RNF10: variants seen among roughly 807,000 people sequenced by gnomAD.
RNF10 encodes ring finger protein 10, also known as E3 ubiquitin-protein ligase RNF10.
Under a neutral mutation model 91.4 loss-of-function variants are expected in RNF10, and 38 were observed. The observed-to-expected ratio is 0.42, with a 90% CI of 0.32 to 0.54. The LOEUF (loss-of-function observed/expected upper bound fraction) is 0.54. RNF10 is among the 20% of genes least tolerant of loss of function. The pLI is 0.16. For synonymous variants in RNF10, 364 were observed against 366.3 expected, an observed-to-expected ratio of 0.99 and a Z score of 0.07; for missense variants, 945 against 1,012.0, an observed-to-expected ratio of 0.93 and a Z score of 0.90.
At chr12:120,558,807 G>C (rs538631496) in intron 6 of RNF10, among the ~76,000 whole-genome samples, 1 of 151,512 alleles carries the variant, frequency 6.6e-6, no homozygotes, top group East Asian at 1.9e-4. Flanking sequence ...CCGAGCTCAA[G>C]TGATCTGCCC....
chr12:120,539,687 G>C (rs1871288109), intron 1 of RNF10, among the ~76,000 whole-genome samples: 1 of 152,134 alleles, frequency 6.6e-6, no homozygotes, highest in Non-Finnish European at 1.5e-5. Flanking sequence ...GGGAAATGTG[G>C]AACAACTGAG....
chr12:120,536,640 T>G (rs1870852025), intron 1 of RNF10, among the ~76,000 whole-genome samples: 1 of 152,202 alleles, frequency 6.6e-6, no homozygotes, highest in African/African-American at 2.4e-5. Context: ...TTGCCATAGA[T>G]CCCTCAAAAG....
At chr12:120,563,173 C>A (rs1875156990) in intron 8 of RNF10, 103 bp downstream of exon 8, 1 of 1,541,698 alleles carries the variant, frequency 6.5e-7, no homozygotes. Flanking sequence ...GAAGAGGGGA[C>A]AATGAGTATT....
At position 120,576,649 on chromosome 12, in the gene RNF10, G is replaced by C. The variant is rs1308493666; in HGVS notation, c.2419G>C (p.Val807Leu). The C allele has an allele frequency of 2.5e-6, 4 of 1,613,962 alleles. No individual in the cohort carries two copies. The highest frequency in any genetic ancestry group is 3.4e-6 in the Non-Finnish European group (4 of 1,179,942). ...ACAGAAGCTCCTGTTCAGCACCTCA[G>C]TCGTCCACACCAAGTGACACTACTG... Reference protein sequence around the residue: ...QKQKLLFSTSVVHTK With the variant: ...QKQKLLFSTSLVHTK Residue 807 changes from valine (V) to leucine (L), a missense_variant, in exon 17 of 17, where the codon GTC becomes CTC. Val to Leu is a conservative substitution (Grantham distance 32). Transcript: ENST00000325954.
chr12:120,569,538 CT>C (rs58304342), intron 13 of RNF10, among the ~76,000 whole-genome samples: 25 of 115,170 alleles, frequency 2.2e-4, no homozygotes, highest in Non-Finnish European at 2.1e-4. Context: ...TGATATGCAT[CT>C]TTTTTTTTTT....
At chr12:120,535,014 G>T in intron 1 of RNF10, 46 bp downstream of exon 1, 2 of 1,529,408 alleles carry the variant, frequency 1.3e-6, no homozygotes, top group Non-Finnish European at 1.7e-6. Flanking sequence ...TGCCCCTGCT[G>T]CTGGGGAGAG....
chr12:120,547,035 A>G (rs1204368882), intron 2 of RNF10, among the ~76,000 whole-genome samples: 3 of 152,192 alleles, frequency 2.0e-5, no homozygotes, highest in African/African-American at 4.8e-5. Context: ...ATTTATGTAC[A>G]AGGGTATTCA....
chr12:120,543,286 A>G (rs188058790), intron 1 of RNF10, among the ~76,000 whole-genome samples: 1 of 152,272 alleles, frequency 6.6e-6, no homozygotes. Flanking sequence ...GCCTGAGCAT[A>G]GGAATTCCGT....
chr12:120,560,755 C>T lies in RNF10; in HGVS notation c.997C>T (p.Leu333=). The change falls in exon 7 of 17, where the codon CTG becomes TTG. Residue 333 remains leucine, a synonymous_variant. Coordinates refer to ENST00000325954, the MANE Select transcript of RNF10 (RefSeq NM_014868.5). The stretch of plus-strand genomic sequence containing the variant: ...ACAGCACAGCCAGTACTCCAAGTTG[C>T]TGCTGGCCTCTAAGGAGCAGGTGCT... ...DEQHSQYSKL[L]LASKEQVLHR... The T allele has an allele frequency of 6.2e-7, 1 of 1,614,058 alleles. No individual in the cohort carries two copies. The highest frequency in any genetic ancestry group is 8.5e-7 in the Non-Finnish European group (1 of 1,179,946).
At chr12:120,563,171 G>C (rs943956175) in intron 8 of RNF10, 101 bp downstream of exon 8, 3 of 1,548,958 alleles carry the variant, frequency 1.9e-6, no homozygotes, top group Non-Finnish European at 2.7e-6. Flanking sequence ...GAGAAGAGGG[G>C]ACAATGAGTA....
At chr12:120,567,959 T>A (rs1259541264) in intron 13 of RNF10, among the ~76,000 whole-genome samples, 3 of 146,144 alleles carry the variant, frequency 2.1e-5, no homozygotes, top group Non-Finnish European at 4.5e-5. Flanking sequence ...ATATTAAATG[T>A]ATAGAAAAGA....
chr12:120,550,974 G>A (rs1224201176), intron 2 of RNF10, among the ~76,000 whole-genome samples: 2 of 151,682 alleles, frequency 1.3e-5, no homozygotes, highest in South Asian at 2.1e-4. Context: ...ACCACCAGTT[G>A]TATTTAATTA....
intron 12 of RNF10, 126 bp from the exon 13 acceptor site, chr12:120,566,699 A>G (rs1269999673): frequency 1.2e-6 from 1 of 859,752 alleles, no homozygotes; most frequent in Non-Finnish European, 1.8e-6. Flanking sequence ...GAGGCAGAGG[A>G]TGCAGTGAAC....
At chr12:120,556,049 AAAGT>A (rs774593078) in intron 4 of RNF10, among the ~76,000 whole-genome samples, 3 of 151,668 alleles carry the variant, frequency 2.0e-5, no homozygotes, top group Non-Finnish European at 2.9e-5. Context: ...TCGGCCTCCC[AAAGT>A]GTTGGGATTA....
rs890184982 is a variant in RNF10 at position 120,560,768 on chromosome 12, A to T, written c.1010A>T (p.Lys337Met). 2 of 1,614,116 alleles carry T rather than the reference A, an allele frequency of 1.2e-6. No homozygotes were observed. The change falls in exon 7 of 17, where the codon AAG (lysine) becomes ATG (methionine). Residue 337 changes from lysine (K) to methionine (M), a missense_variant. Transcript: ENST00000325954. ...SQYSKLLLAS[K>M]EQVLHRVVLE... ...TACTCCAAGTTGCTGCTGGCCTCTA[A>T]GGAGCAGGTGCTGCACCGGGTAGTT...
chr12:120,544,669 T>C (rs990187647), intron 1 of RNF10, among the ~76,000 whole-genome samples: 2 of 152,072 alleles, frequency 1.3e-5, no homozygotes, highest in Non-Finnish European at 2.9e-5. Context: ...ATAAATAAAG[T>C]GCATAAGTAA....
chr12:120,574,121 C>G (rs1454149953), intron 14 of RNF10, among the ~76,000 whole-genome samples: 1 of 152,152 alleles, frequency 6.6e-6, no homozygotes, highest in Non-Finnish European at 1.5e-5. Context: ...ATGTCTAAAC[C>G]GTAGGAGACC....
chr12:120,562,954 G>A lies in RNF10; in HGVS notation c.1138G>A (p.Glu380Lys). ...AAIQELKTRE[E>K]ALSGLAGSRR... ...TCTCTGGCCACGTTAGACTCGGGAA[G>A]AGGCTCTGTCGGGATTGGCCGGAAG... The change falls in exon 8 of 17, where the codon GAG becomes AAG. Residue 380 changes from glutamate (E) to lysine (K), a missense_variant. Physicochemically the swap from Glu to Lys is moderately conservative, Grantham distance 56 (BLOSUM62 1). Coordinates refer to ENST00000325954, the MANE Select transcript of RNF10 (RefSeq NM_014868.5). 5 of 1,614,084 alleles carry A rather than the reference G, an allele frequency of 3.1e-6. No homozygotes were observed. Among genetic ancestry groups the A allele is most frequent in the Non-Finnish European group, 4.2e-6 (5 of 1,179,986 alleles).
Position 120,534,807 on chromosome 12 carries a change from C to A in RNF10, c.-5C>A, listed in dbSNP as rs765501811. On this transcript the variant is annotated 5_prime_UTR_variant, in exon 1 of 17. Transcript: ENST00000325954. ...CGACTGCCGTCGCCGCCGAGGCCCCCGTTGATGCCGCTGAGCTCCCCCAAC... is the reference window on the plus strand; with the variant it reads ...CGACTGCCGTCGCCGCCGAGGCCCCAGTTGATGCCGCTGAGCTCCCCCAAC... The A allele has an allele frequency of 6.4e-7, 1 of 1,568,558 alleles. No individual in the cohort carries two copies. Among genetic ancestry groups the A allele is most frequent in the Admixed American group, 1.9e-5 (1 of 53,658 alleles).
Sources: gnomAD v4.1 joint callset for allele counts (sites outside exome capture counted in the v4.1 genomes callset) on GRCh38, gnomAD v4.1.1 for gene constraint, MANE v1.5 for transcripts, NCBI Gene and HGNC (gene_info 2026-07-23, HGNC 2026-07-21) for gene names.